ABCA6: variants seen among roughly 807,000 people sequenced by gnomAD.
ABCA6 encodes the protein ATP binding cassette subfamily A member 6.
Under a neutral mutation model 191.2 loss-of-function variants are expected in ABCA6, and 164 were observed. The observed-to-expected ratio is 0.86, with a 90% confidence interval of 0.76 to 0.98. The LOEUF (loss-of-function observed/expected upper bound fraction) is 0.98. ABCA6 is among the 50% of genes least tolerant of loss of function. ABCA6 has a pLI of 0.00. For synonymous variants in ABCA6, 636 were observed against 647.7 expected (o/e 0.98, Z 0.27); for missense variants, 1,958 against 1,894.1 (o/e 1.03, Z -0.63).
chr17:69,112,313 C>CA, intron 15 of ABCA6, 40 bp from the exon 16 acceptor site: 1 of 1,500,364 alleles, frequency 6.7e-7, no homozygotes, highest in Non-Finnish European at 9.2e-7. Context: ...TATTGGGGGT[C>CA]ATTTCTTCTT....
intron 20 of ABCA6, chr17:69,105,035 A>G (rs1035684026): frequency 6.2e-6 from 1 of 160,924 alleles, no homozygotes; most frequent in African/African-American, 2.4e-5. Flanking sequence ...AAAATAAGGC[A>G]TCTTCCTGTA....
At chr17:69,106,689 T>C (rs1322304802) in intron 18 of ABCA6, among the ~76,000 whole-genome samples, 2 of 152,122 alleles carry the variant, frequency 1.3e-5, no homozygotes, top group Non-Finnish European at 2.9e-5. Context: ...TTATTGTTTA[T>C]ACTTCACCAC....
intron 6 of ABCA6, among the ~76,000 whole-genome samples, chr17:69,130,210 G>A (rs1357817917): frequency 1.3e-5 from 2 of 151,954 alleles, no homozygotes; most frequent in African/African-American, 2.4e-5. Context: ...CCAGCTACTC[G>A]GGAGGCTGAG....
intron 10 of ABCA6, among the ~76,000 whole-genome samples, chr17:69,118,281 C>T (rs898576086): frequency 3.3e-5 from 5 of 152,002 alleles, no homozygotes; most frequent in African/African-American, 1.2e-4. Flanking sequence ...GCTCATTTAC[C>T]TAGGGTCTTG....
At chr17:69,082,345 AC>A (rs1470924652) in intron 36 of ABCA6, among the ~76,000 whole-genome samples, 1 of 148,906 alleles carries the variant, frequency 6.7e-6, no homozygotes, top group Admixed American at 6.6e-5. Flanking sequence ...ACACACACAC[AC>A]ACACACACAC....
At chr17:69,114,582 C>A (rs1202691744) in intron 13 of ABCA6, among the ~76,000 whole-genome samples, 180 bp downstream of exon 13, 1 of 151,940 alleles carries the variant, frequency 6.6e-6, no homozygotes, top group Non-Finnish European at 1.5e-5. Flanking sequence ...AAATAAAATC[C>A]AAAATGATTC....
At chr17:69,139,578 C>A (rs2073998093) in intron 2 of ABCA6, among the ~76,000 whole-genome samples, 1 of 152,028 alleles carries the variant, frequency 6.6e-6, no homozygotes, top group African/African-American at 2.4e-5. Context: ...ACCATTTGAC[C>A]CAGCCATCTC....
rs1176789547 is a variant in ABCA6 at position 69,087,488 on chromosome 17, A to T, written c.3699-15T>A. The T allele has an allele frequency of 1.2e-6, 2 of 1,613,308 alleles. No homozygotes were observed. Among genetic ancestry groups the T allele is most frequent in the South Asian group, 1.1e-5 (1 of 91,006 alleles). On this transcript the variant is annotated splice_polypyrimidine_tract_variant and intron_variant, in intron 28 of 38. Coordinates refer to ENST00000284425, the MANE Select transcript of ABCA6 (RefSeq NM_080284.3). The stretch of plus-strand genomic sequence containing the variant: ...GGGGGGAAATTCTATGGAGAAAATG[A>T]AATGTGTTACATGTGGTATTCTAGC...
Position 69,091,256 on chromosome 17 carries a change from T to C in ABCA6, c.3415A>G (p.Thr1139Ala). ...ATTAAAGTGATGGAAAACATGATGG[T>C]GGAGGCCTACAAGGCAAGTTCAAAT... Reference protein sequence around the residue: ...LWSFYFFFASTIMFSITLINH... With the variant: ...LWSFYFFFASAIMFSITLINH... The change falls in exon 26 of 39, where the codon ACC becomes GCC. Residue 1139 changes from threonine (T) to alanine (A), a missense_variant. Thr to Ala is a moderately conservative substitution (Grantham distance 58). Transcript: ENST00000284425. 1 of 1,610,676 alleles carries C rather than the reference T, an allele frequency of 6.2e-7. No individual in the cohort carries two copies. Among genetic ancestry groups the C allele is most frequent in the South Asian group, 1.1e-5 (1 of 90,718 alleles).
intron 10 of ABCA6, among the ~76,000 whole-genome samples, chr17:69,119,725 T>C (rs1003637040): frequency 6.6e-6 from 1 of 152,060 alleles, no homozygotes; most frequent in African/African-American, 2.4e-5. Flanking sequence ...GGGTGTGTCA[T>C]ACACATATAC....
At chr17:69,087,291 T>C (rs2072821932) in intron 29 of ABCA6, 62 bp downstream of exon 29, 2 of 1,582,706 alleles carry the variant, frequency 1.3e-6, no homozygotes, top group Non-Finnish European at 1.7e-6. Flanking sequence ...GTGTATCAAA[T>C]CCTGCTCTTG....
chr17:69,123,956 A>G (rs569303642), intron 9 of ABCA6, among the ~76,000 whole-genome samples: 1 of 152,204 alleles, frequency 6.6e-6, no homozygotes, highest in Non-Finnish European at 1.5e-5. Context: ...AGGAGAATGA[A>G]TGAAACCAAA....
intron 8 of ABCA6, among the ~76,000 whole-genome samples, chr17:69,125,335 C>A (rs1019667094): frequency 1.3e-5 from 2 of 151,798 alleles, no homozygotes; most frequent in Admixed American, 6.6e-5. Flanking sequence ...TTCTGGGCAA[C>A]AAAGGAGATA....
intron 25 of ABCA6, among the ~76,000 whole-genome samples, chr17:69,095,954 A>C (rs913276000): frequency 6.6e-6 from 1 of 152,230 alleles, no homozygotes; most frequent in Non-Finnish European, 1.5e-5. Flanking sequence ...CCAATTTTCT[A>C]GTGTTGGCAG....
At position 69,114,866 on chromosome 17, in the gene ABCA6, C is replaced by A. The variant is rs372285217; in HGVS notation, c.1678G>T (p.Val560Phe). The stretch of plus-strand genomic sequence containing the variant: ...AATTGAACATTGAATTGAGGACAGA[C>A]GCCAGTTATCTTTCTGATTTCCTCC... ...DLEEIRKITGVCPQFNVQFDI... is the reference protein window; with the variant it reads ...DLEEIRKITGFCPQFNVQFDI... Residue 560 changes from valine to phenylalanine, a missense_variant, in exon 13 of 39, where the codon GTC becomes TTC. Transcript: ENST00000284425. 4 of 1,612,380 alleles carry A rather than the reference C, an allele frequency of 2.5e-6. No individual in the cohort carries two copies. Among genetic ancestry groups the A allele is most frequent in the East Asian group, 4.5e-5 (2 of 44,792 alleles).
chr17:69,096,692 T>C lies in ABCA6; in HGVS notation c.3230A>G (p.Tyr1077Cys), dbSNP rs768474535. Residue 1077 changes from tyrosine (Y) to cysteine (C), a missense_variant, in exon 24 of 39, where the codon TAT becomes TGT. Coordinates refer to ENST00000284425, the MANE Select transcript of ABCA6 (RefSeq NM_080284.3). ...SFFILILLLMYLIFYIENMQY... is the reference protein window; with the variant it reads ...SFFILILLLMCLIFYIENMQY... ...CATGTTTTCTATGTAGAAAATTAAA[T>C]ACATTAAAAGGAGAATTAAAATGAA... The C allele has an allele frequency of 2.1e-5, 33 of 1,578,884 alleles. No homozygotes were observed. Among genetic ancestry groups the C allele is most frequent in the Middle Eastern group, 3.4e-4 (2 of 5,970 alleles).
At chr17:69,132,186 C>T (rs2073875437) in intron 6 of ABCA6, among the ~76,000 whole-genome samples, 1 of 152,144 alleles carries the variant, frequency 6.6e-6, no homozygotes, top group Admixed American at 6.5e-5. Context: ...TTGTTCAATA[C>T]ATAATTTCTC....
intron 7 of ABCA6, 97 bp from the exon 8 acceptor site, chr17:69,128,901 A>G: frequency 1.1e-6 from 1 of 920,158 alleles, no homozygotes; most frequent in South Asian, 2.2e-5. Context: ...ATATCATAAC[A>G]TAAATATTTA....
chr17:69,097,469 T>C (rs2073076243), intron 23 of ABCA6, among the ~76,000 whole-genome samples: 1 of 151,628 alleles, frequency 6.6e-6, no homozygotes, highest in South Asian at 2.1e-4. Flanking sequence ...TCTTGGAGAG[T>C]TTCTGGCTCA....
Sources: gnomAD v4.1 joint callset for allele counts (sites outside exome capture counted in the v4.1 genomes callset) on GRCh38, gnomAD v4.1.1 for gene constraint, MANE v1.5 for transcripts, NCBI Gene and HGNC (gene_info 2026-07-23, HGNC 2026-07-21) for gene names.